The following GAD1 variants were observed in gnomAD, a reference collection of about 807,000 sequenced individuals.
GAD1 encodes the protein 67 kDa glutamic acid decarboxylase.
A neutral mutation model predicts 75.2 loss-of-function variants in GAD1; 35 were observed. The observed-to-expected ratio is 0.47, with a 90% CI of 0.36 to 0.62. The LOEUF is 0.62. GAD1 is among the 20% of genes least tolerant of loss of function. The pLI is 0.00. For synonymous variants in GAD1, 257 were observed against 271.9 expected (o/e 0.95, Z 0.54); for missense variants, 490 against 758.5 (o/e 0.65, Z 4.16).
intron 12 of GAD1, among the ~76,000 whole-genome samples, chr2:170,850,269 C>T (rs182157517): frequency 5.3e-5 from 8 of 152,270 alleles, no homozygotes; most frequent in Admixed American, 3.3e-4. Flanking sequence ...TAATCTGTCT[C>T]ATAGTAAAGA....
At chr2:170,815,191 G>T (rs1355656080), upstream of GAD1, among the ~76,000 whole-genome samples, 1 of 152,134 alleles carries the variant, frequency 6.6e-6, no homozygotes, top group Non-Finnish European at 1.5e-5. Context: ...AGCAGCTGCC[G>T]GTTGAGTGGT....
intron 16 of GAD1, among the ~76,000 whole-genome samples, chr2:170,859,226 A>G (rs1200022170): frequency 1.3e-5 from 2 of 152,210 alleles, no homozygotes; most frequent in African/African-American, 2.4e-5. Flanking sequence ...TGTTACAATA[A>G]CATTTTAAGT....
rs1306732957 is a variant in GAD1, at chr2:170,836,872, C to A, written c.627C>A (p.Ala209=). The change falls in exon 6 of 17, where the codon GCC becomes GCA. Residue 209 remains alanine (A), a synonymous_variant. Coordinates refer to ENST00000358196, the MANE Select transcript of GAD1 (RefSeq NM_000817.3). Reference sequence around the variant, plus strand: ...CTGGAGAATGGCTGACATCAACGGCCAATACCAACATGTAAGTCTCATATG... The same window carrying A: ...CTGGAGAATGGCTGACATCAACGGCAAATACCAACATGTAAGTCTCATATG... ...GLAGEWLTST[A]NTNMFTYEIA... 4.3e-6 allele frequency: 7 copies of A among 1,611,686 alleles called. No homozygotes were observed. The highest frequency in any genetic ancestry group is 5.1e-6 in the Non-Finnish European group (6 of 1,177,954).
At chr2:170,826,281 G>A (rs969947907) in intron 3 of GAD1, among the ~76,000 whole-genome samples, 10 of 152,120 alleles carry the variant, frequency 6.6e-5, no homozygotes, top group Middle Eastern at 3.4e-3. Flanking sequence ...AAGCCGTGTC[G>A]TAGGGCCGGG....
intron 5 of GAD1, among the ~76,000 whole-genome samples, chr2:170,831,730 T>A (rs1160374001): frequency 7.0e-6 from 1 of 143,178 alleles, no homozygotes; most frequent in Non-Finnish European, 1.5e-5. Flanking sequence ...AATAATAAAT[T>A]ATAAATAATA....
intron 15 of GAD1, among the ~76,000 whole-genome samples, chr2:170,857,793 G>GTGTTACTGTAAAGTATTA (rs1210538650): frequency 6.6e-6 from 1 of 152,166 alleles, no homozygotes; most frequent in East Asian, 1.9e-4. Context: ...CAAAGTATTT[G>GTGTTACTGTAAAGTATTA]TCAGTGTTTA....
intron 3 of GAD1, among the ~76,000 whole-genome samples, chr2:170,825,738 G>C (rs1405412786): frequency 6.6e-6 from 1 of 152,184 alleles, no homozygotes; most frequent in Non-Finnish European, 1.5e-5. Context: ...CCTTGCGGCT[G>C]GCCAGTGTGC....
chr2:170,821,423 T>C (rs1701875281), intron 2 of GAD1, among the ~76,000 whole-genome samples: 1 of 151,988 alleles, frequency 6.6e-6, no homozygotes, highest in African/African-American at 2.4e-5. Flanking sequence ...GAGGGAAGGG[T>C]TAATGAGGGG....
Position 170,860,033 on chromosome 2 carries a change from G to A in GAD1, c.*151G>A, listed in dbSNP as rs1045253353. On this transcript the variant is annotated 3_prime_UTR_variant, in exon 17 of 17. Coordinates refer to ENST00000358196, the MANE Select transcript of GAD1 (RefSeq NM_000817.3). The stretch of plus-strand genomic sequence containing the variant: ...ATTGTTAAAACCTTACTTAAAGCTT[G>A]TTTGTTCTAGTTAGCAGGAAATAGT... 2 of 767,972 alleles carry A rather than the reference G, an allele frequency of 2.6e-6. No homozygotes were observed. Among genetic ancestry groups the A allele is most frequent in the South Asian group, 1.6e-5 (1 of 60,704 alleles). The allele number at this position is 767,972 out of a possible 1,614,324, so 47.6% of individuals were successfully genotyped here. A position where few individuals can be genotyped will look rare whatever the true frequency, so the allele number is the denominator to read the frequency against.
upstream of GAD1, among the ~76,000 whole-genome samples, chr2:170,815,422 C>T (rs182740913): frequency 2.0e-5 from 3 of 152,302 alleles, no homozygotes; most frequent in African/African-American, 7.2e-5. Context: ...CAGCGAGATC[C>T]CTCTTGCTGA....
chr2:170,819,796 C>A (rs984213264), intron 2 of GAD1, among the ~76,000 whole-genome samples: 1 of 152,136 alleles, frequency 6.6e-6, no homozygotes, highest in African/African-American at 2.4e-5. Context: ...CTTATTGATG[C>A]GCTTTTATGG....
intron 3 of GAD1, among the ~76,000 whole-genome samples, chr2:170,824,353 C>T (rs1357964308): frequency 6.6e-6 from 1 of 151,446 alleles, no homozygotes; most frequent in Non-Finnish European, 1.5e-5. Flanking sequence ...TGTGTTGGCC[C>T]TGGGTCCACA....
In GAD1 at chr2:170,834,839, C is replaced by T. The variant is rs368658396; in HGVS notation, c.548-1954C>T. Among the ~76,000 whole-genome samples the T allele has an allele frequency of 3.8e-4, 57 of 149,318 alleles. 1 individual carries two copies. Among genetic ancestry groups the T allele is most frequent in the African/African-American group, 1.3e-3 (52 of 40,402 alleles). Reference sequence around the variant, plus strand: ...GGAGTGGAGTGCAGTGGCGTGATCTCGGCTCACTGCAACCTCCCCTCTTGG... The same window carrying T: ...GGAGTGGAGTGCAGTGGCGTGATCTTGGCTCACTGCAACCTCCCCTCTTGG... On this transcript the variant is annotated intron_variant, in intron 5 of 16. Coordinates refer to ENST00000358196, the MANE Select transcript of GAD1 (RefSeq NM_000817.3).
chr2:170,831,230 T>C (rs769589532), intron 5 of GAD1, 38 bp downstream of exon 5: 18 of 1,610,486 alleles, frequency 1.1e-5, no homozygotes, highest in Non-Finnish European at 1.4e-5. Context: ...AGTGGCAACT[T>C]TGCCCTCCAT....
At chr2:170,825,016 T>C (rs1701990617) in intron 3 of GAD1, among the ~76,000 whole-genome samples, 1 of 150,310 alleles carries the variant, frequency 6.7e-6, no homozygotes, top group African/African-American at 2.4e-5. Context: ...TCAAGTGCTC[T>C]CTTTTTCTGG....
rs184991883 is a variant in GAD1 at position 170,840,722 on chromosome 2, A to G, written c.639-3323A>G. Reference sequence around the variant, plus strand: ...CATACTCCTCTTTGATTAAAAAAAAATTAAAAAAAAAACCTTCTCAGAGGT... The same window carrying G: ...CATACTCCTCTTTGATTAAAAAAAAGTTAAAAAAAAAACCTTCTCAGAGGT... On this transcript the variant is annotated intron_variant, in intron 6 of 16. Coordinates refer to ENST00000358196, the MANE Select transcript of GAD1 (RefSeq NM_000817.3). 2.6e-3 allele frequency among the ~76,000 whole-genome samples: 391 copies of G among 151,710 alleles called. 3 individuals are homozygous for G. The highest frequency in any genetic ancestry group is 9.1e-3 in the African/African-American group (374 of 41,312).
intron 5 of GAD1, among the ~76,000 whole-genome samples, chr2:170,836,440 CTAAGT>C (rs1342941550): frequency 6.6e-6 from 1 of 152,148 alleles, no homozygotes; most frequent in African/African-American, 2.4e-5. Context: ...CAGAGGAGAG[CTAAGT>C]TATCTCAGCC....
At chr2:170,824,952 A>G (rs62168452) in intron 3 of GAD1, among the ~76,000 whole-genome samples, 1,043 of 82,676 alleles carry the variant, frequency 0.013, 12 homozygotes, top group Middle Eastern at 0.027. Context: ...GTGTGTGTGT[A>G]TGTATGTGTG....
In GAD1 at chr2:170,831,009, G is replaced by A. The variant is rs766422631; in HGVS notation, c.364G>A (p.Asp122Asn). 6.2e-7 allele frequency: 1 copy of A among 1,614,156 alleles called. No homozygotes were observed. Among genetic ancestry groups the A allele is most frequent in the Admixed American group, 1.7e-5 (1 of 60,010 alleles). The change falls in exon 5 of 17, where the codon GAC (aspartate) becomes AAC (asparagine). Residue 122 changes from aspartate (D) to asparagine (N), a missense_variant. This residue lies in a region of GAD1 where 165 missense variants were observed against 216.4 expected (regional missense o/e 0.76). Coordinates refer to ENST00000358196, the MANE Select transcript of GAD1 (RefSeq NM_000817.3). ...CGTGCAATTCCTCCTGGAAGTGGTG[G>A]ACATACTCCTCAACTATGTCCGCAA... ...QTVQFLLEVVDILLNYVRKTF... is the reference protein window; with the variant it reads ...QTVQFLLEVVNILLNYVRKTF...
Sources: allele counts gnomAD v4.1 joint callset (sites outside exome capture counted in the v4.1 genomes callset), GRCh38; gene constraint gnomAD v4.1.1; regional missense constraint gnomAD v4.1.1; transcripts MANE v1.5; gene names NCBI Gene and HGNC (gene_info 2026-07-23, HGNC 2026-07-21).